Variants in LRRK1 observed in about 807,000 individuals in gnomAD.
LRRK1 encodes the protein leucine rich repeat kinase 1.
Under a neutral mutation model 209.1 loss-of-function variants are expected in LRRK1, and 113 were observed. The observed-to-expected ratio is 0.54, with a 90% CI of 0.46 to 0.63. The LOEUF (loss-of-function observed/expected upper bound fraction) is 0.63, where lower values mean the gene tolerates loss of function less well. Ranked by LOEUF, LRRK1 falls within the 30% of genes least tolerant of loss-of-function variation. The pLI is 0.00. For missense variants in LRRK1, 2,284 were observed against 2,632.2 expected (o/e 0.87, Z 2.89); for synonymous variants, 1,144 against 1,099.7 (o/e 1.04, Z -0.80).
chr15:101,031,736 CT>C (rs1213684754), intron 20 of LRRK1, among the ~76,000 whole-genome samples: 1 of 143,036 alleles, frequency 7.0e-6, no homozygotes, highest in Non-Finnish European at 1.5e-5. Context: ...TTCCTCCCCA[CT>C]ATTTTTTTTT....
At chr15:101,028,659 G>A (rs772644276) in intron 19 of LRRK1, among the ~76,000 whole-genome samples, 5 of 152,232 alleles carry the variant, frequency 3.3e-5, no homozygotes, top group Non-Finnish European at 5.9e-5. Flanking sequence ...TGATTTGGAG[G>A]TTGCAGATCA....
At position 101,029,050 on chromosome 15, in the gene LRRK1, C is replaced by T; in HGVS notation, c.2781C>T (p.Leu927=). ...RNLYFLDPIW[L]SECLQRIFNI... The stretch of plus-strand genomic sequence containing the variant: ...TCTACTTCCTCGACCCTATTTGGCT[C>T]TCCGAATGTCTGCAGAGGATCTTTA... The change falls in exon 20 of 34, where the codon CTC becomes CTT. Residue 927 remains leucine (L), a synonymous_variant. Coordinates refer to ENST00000388948, the MANE Select transcript of LRRK1 (RefSeq NM_024652.6). 1 of 1,614,200 alleles carries T rather than the reference C, an allele frequency of 6.2e-7. No homozygotes were observed. The highest frequency in any genetic ancestry group is 8.5e-7 in the Non-Finnish European group (1 of 1,180,046).
chr15:100,972,670 A>G (rs1001428865), intron 2 of LRRK1, among the ~76,000 whole-genome samples: 5 of 152,096 alleles, frequency 3.3e-5, no homozygotes, highest in African/African-American at 1.2e-4. Flanking sequence ...ATATGCCCCG[A>G]GTGCTTTTTC....
At position 101,062,701 on chromosome 15, in the gene LRRK1, G is replaced by C; in HGVS notation, c.4914+11G>C. On this transcript the variant is annotated intron_variant, in intron 31 of 33. Coordinates refer to ENST00000388948, the MANE Select transcript of LRRK1 (RefSeq NM_024652.6). ...CCTGTTATTAAAAAGGTGAGGTCGG[G>C]GCAAAGGCAGGTATGCAGGTCTCTG... 1 of 1,581,044 alleles carries C rather than the reference G, an allele frequency of 6.3e-7. No homozygotes were observed. The highest frequency in any genetic ancestry group is 8.7e-7 in the Non-Finnish European group (1 of 1,149,812).
At chr15:100,977,622 A>G (rs1423128175) in intron 3 of LRRK1, among the ~76,000 whole-genome samples, 2 of 152,212 alleles carry the variant, frequency 1.3e-5, no homozygotes, top group African/African-American at 4.8e-5. Context: ...AACGCTGCCC[A>G]GCAATAGCAA....
chr15:101,058,870 G>A (rs557367411), intron 29 of LRRK1, among the ~76,000 whole-genome samples: 43 of 152,262 alleles, frequency 2.8e-4, no homozygotes, highest in African/African-American at 9.4e-4. Flanking sequence ...CGTGCTTGCC[G>A]TGGGGTGGGT....
At chr15:100,933,817 A>C (rs2042248959) in intron 2 of LRRK1, among the ~76,000 whole-genome samples, 1 of 85,194 alleles carries the variant, frequency 1.2e-5, no homozygotes, top group Non-Finnish European at 2.0e-5. Context: ...GCCAGACTCC[A>C]TCTCAAAAAA....
chr15:101,057,156 C>T, intron 28 of LRRK1, 106 bp downstream of exon 28: 1 of 887,116 alleles, frequency 1.1e-6, no homozygotes, highest in Non-Finnish European at 1.7e-6. Flanking sequence ...CCATTGGCAA[C>T]CCTTCTCTGC....
intron 2 of LRRK1, among the ~76,000 whole-genome samples, chr15:100,937,757 G>A (rs1354870311): frequency 2.6e-5 from 4 of 151,744 alleles, no homozygotes; most frequent in African/African-American, 7.3e-5. Flanking sequence ...GGATGGTCTC[G>A]ATCTCCTGAC....
intron 1 of LRRK1, 90 bp from the exon 2 acceptor site, chr15:100,924,421 G>A (rs1377542657): frequency 3.5e-6 from 2 of 569,534 alleles, no homozygotes; most frequent in Admixed American, 5.9e-5. Flanking sequence ...ATGTTGCAGA[G>A]GGAAAACTAA....
At position 100,977,117 on chromosome 15, in the gene LRRK1, A is replaced by C. The variant is rs144773848; in HGVS notation, c.261+3150A>C. Among the ~76,000 whole-genome samples, 276 of 151,080 alleles carry C rather than the reference A, an allele frequency of 1.8e-3. 1 individual carries two copies. The highest frequency in any genetic ancestry group is 6.4e-3 in the African/African-American group (262 of 41,124). Reference sequence around the variant, plus strand: ...TCACAATAGTACGTTTTTGGGTTTTATTTGTATCTCATACATCCCAAACCA... The same window carrying C: ...TCACAATAGTACGTTTTTGGGTTTTCTTTGTATCTCATACATCCCAAACCA... On this transcript the variant is annotated intron_variant, in intron 3 of 33. Transcript: ENST00000388948.
At chr15:101,058,861 G>A (rs1025333827) in intron 29 of LRRK1, among the ~76,000 whole-genome samples, 4 of 152,110 alleles carry the variant, frequency 2.6e-5, no homozygotes, top group South Asian at 2.1e-4. Context: ...CAGACAAGAC[G>A]TGCTTGCCGT....
Position 101,069,159 on chromosome 15 carries a change from G to A in LRRK1, c.*311G>A, listed in dbSNP as rs2036688973. On this transcript the variant is annotated 3_prime_UTR_variant, in exon 34 of 34. Coordinates refer to ENST00000388948, the MANE Select transcript of LRRK1 (RefSeq NM_024652.6). ...CCCATCAGTTTGCAGGAGCAGGGGT[G>A]CAGGATCCTGTTCTGAGCTGGGTCA... is the stretch of plus-strand genomic sequence containing the variant. 8.2e-6 allele frequency: 2 copies of A among 243,976 alleles called. No homozygotes were observed. Among genetic ancestry groups the A allele is most frequent in the Non-Finnish European group, 7.9e-6 (1 of 125,968 alleles). 15.1% of individuals were successfully genotyped at this position (243,976 alleles called of 1,614,324 possible).
intron 2 of LRRK1, among the ~76,000 whole-genome samples, chr15:100,951,969 AT>A (rs1463042540): frequency 3.3e-5 from 5 of 149,514 alleles, no homozygotes; most frequent in African/African-American, 1.2e-4. Context: ...AAAAAAAATA[AT>A]AATAATAATA....
chr15:100,929,418 G>A (rs1332813343), intron 2 of LRRK1, among the ~76,000 whole-genome samples: 4 of 152,172 alleles, frequency 2.6e-5, no homozygotes, highest in African/African-American at 7.2e-5. Flanking sequence ...CAAATCCCAG[G>A]TTGTTTCATG....
intron 2 of LRRK1, among the ~76,000 whole-genome samples, chr15:100,947,472 T>TATATA (rs2042565240): frequency 6.6e-6 from 1 of 152,218 alleles, no homozygotes; most frequent in Non-Finnish European, 1.5e-5. Flanking sequence ...TATCGTTTTG[T>TATATA]TCTACTTTAT....
chr15:100,972,357 AGAGAGAGTGTGTGTGTGTGTGT>A (rs2030962074), intron 2 of LRRK1, among the ~76,000 whole-genome samples: 21 of 95,970 alleles, frequency 2.2e-4, no homozygotes, highest in African/African-American at 8.5e-4. Context: ...AGAGAGAGAG[AGAGAGAGTGTGTGTGTGTGTGT>A]GTGTGTGTGT....
At chr15:101,000,513 C>G (rs55785108) in intron 6 of LRRK1, among the ~76,000 whole-genome samples, 35,802 of 152,138 alleles carry the variant, frequency 0.24, 4,476 homozygotes, top group East Asian at 0.5. Context: ...TATTCTCTCA[C>G]GGTCCTGGAG....
At chr15:101,048,353 G>A (rs1010087918) in intron 21 of LRRK1, 141 bp from the exon 22 acceptor site, 4 of 616,376 alleles carry the variant, frequency 6.5e-6, no homozygotes, top group African/African-American at 3.9e-5. Context: ...TTGGCAGCAG[G>A]GATGAGCAGC....
Sources: allele counts gnomAD v4.1 joint callset (sites outside exome capture counted in the v4.1 genomes callset), GRCh38; gene constraint gnomAD v4.1.1; transcripts MANE v1.5; gene names NCBI Gene and HGNC (gene_info 2026-07-23, HGNC 2026-07-21).